KIF1B: variants seen among roughly 807,000 people sequenced by gnomAD.
The protein encoded by KIF1B is kinesin-like protein KIF1B.
In KIF1B, 76 loss-of-function variants were observed where a neutral mutation model predicts 241.9. The ratio of observed to expected loss-of-function variants is 0.31; its 90% CI spans 0.26 to 0.38. KIF1B has a LOEUF of 0.38. KIF1B is among the 10% of genes least tolerant of loss of function. The pLI is 1.00. For synonymous variants in KIF1B, 750 were observed against 796.7 expected, an observed-to-expected ratio of 0.94 and a Z score of 0.99; for missense variants, 1,622 against 2,271.4, an observed-to-expected ratio of 0.71 and a Z score of 5.81.
At chr1:10,274,431 A>G (rs1648992622) in intron 10 of KIF1B, among the ~76,000 whole-genome samples, 2 of 152,234 alleles carry the variant, frequency 1.3e-5, no homozygotes, top group African/African-American at 2.4e-5. Flanking sequence ...AGAAAGCAGA[A>G]TAAGTAGACT....
At chr1:10,246,626 C>T (rs1035028975) in intron 2 of KIF1B, among the ~76,000 whole-genome samples, 2 of 152,176 alleles carry the variant, frequency 1.3e-5, no homozygotes, top group African/African-American at 4.8e-5. Flanking sequence ...CGCCCATAGT[C>T]CCAGCTACTC....
rs187200149 is a variant in KIF1B at position 10,337,885 on chromosome 1, A to T, written c.3422+352A>T. 3.1e-3 allele frequency among the ~76,000 whole-genome samples: 468 copies of T among 152,300 alleles called. 4 individuals are homozygous for T. Among genetic ancestry groups the T allele is most frequent in the Middle Eastern group, 6.8e-3 (2 of 294 alleles). ...CTTATTAATAAGCCTGAAAGCAATGACTTATCTAGCTAGCAATTACGCCTA... is the reference window on the plus strand; with the variant it reads ...CTTATTAATAAGCCTGAAAGCAATGTCTTATCTAGCTAGCAATTACGCCTA... On this transcript the variant is annotated intron_variant, in intron 31 of 48. Transcript: ENST00000676179. The surrounding 1 kb of genome is among the most constrained non-coding windows in gnomAD (Gnocchi z 4.0).
At chr1:10,256,746 C>G (rs1211356716) in intron 3 of KIF1B, among the ~76,000 whole-genome samples, 1 of 151,464 alleles carries the variant, frequency 6.6e-6, no homozygotes, top group Admixed American at 6.6e-5. Flanking sequence ...GAGTCTCACT[C>G]TGTCGCCCAG....
At position 10,277,881 on chromosome 1, in the gene KIF1B, A is replaced by G. The variant is rs550300232; in HGVS notation, c.1038-105A>G. ...CAAATGTATTATTATCAAGGCTCATAAAATGTAAACACTCAGGATATTTGA... is the reference window on the plus strand; with the variant it reads ...CAAATGTATTATTATCAAGGCTCATGAAATGTAAACACTCAGGATATTTGA... On this transcript the variant is annotated intron_variant, in intron 12 of 48. Coordinates refer to ENST00000676179, the MANE Select transcript of KIF1B (RefSeq NM_001365951.3). 3.4e-4 allele frequency: 346 copies of G among 1,028,696 alleles called. 1 individual carries two copies. Among genetic ancestry groups the G allele is most frequent in the Non-Finnish European group, 4.5e-4 (307 of 677,592 alleles). The allele number at this position is 1,028,696 out of a possible 1,614,324, so 63.7% of individuals were successfully genotyped here. A position where few individuals can be genotyped will look rare whatever the true frequency, so the allele number is the denominator to read the frequency against.
chr1:10,375,493 C>T, intron 48 of KIF1B, 120 bp downstream of exon 48: 1 of 784,100 alleles, frequency 1.3e-6, no homozygotes, highest in Non-Finnish European at 2.2e-6. Context: ...AAGCGATTCT[C>T]CTGACTCAGC....
chr1:10,360,590 C>T (rs796363839), intron 38 of KIF1B, among the ~76,000 whole-genome samples: 7 of 150,398 alleles, frequency 4.7e-5, no homozygotes, highest in African/African-American at 1.7e-4. Flanking sequence ...AAGGCTGAGG[C>T]AGGAGAATCA....
chr1:10,348,701 T>G lies in KIF1B; in HGVS notation c.3917T>G (p.Leu1306Arg). ...ATTATCCATGAGAAGGGGAGCGAGC[T>G]CCATTGGAAAGATGTTCGTGAACTG... ...VTIIHEKGSE[L>R]HWKDVRELVV... The change falls in exon 37 of 49, where the codon CTC becomes CGC. Residue 1306 changes from leucine (L) to arginine (R), a missense_variant. Physicochemically the swap from Leu to Arg is moderately radical, Grantham distance 102 (BLOSUM62 -2). Coordinates refer to ENST00000676179, the MANE Select transcript of KIF1B (RefSeq NM_001365951.3). 6.2e-7 allele frequency: 1 copy of G among 1,613,978 alleles called. No homozygotes were observed. Among genetic ancestry groups the G allele is most frequent in the African/African-American group, 1.3e-5 (1 of 74,966 alleles).
chr1:10,306,754 CT>C (rs1028615346), intron 22 of KIF1B: 7 of 431,568 alleles, frequency 1.6e-5, no homozygotes, highest in African/African-American at 4.7e-5. Context: ...GAGAACCTGT[CT>C]TTAAAAAAAA....
intron 1 of KIF1B, among the ~76,000 whole-genome samples, chr1:10,218,931 A>G (rs1225279836): frequency 6.6e-6 from 1 of 152,226 alleles, no homozygotes; most frequent in Non-Finnish European, 1.5e-5. Flanking sequence ...AGCTATTAAA[A>G]TATAAATAAG....
intron 1 of KIF1B, 113 bp from the exon 2 acceptor site, chr1:10,232,137 C>A: frequency 1.8e-6 from 1 of 563,798 alleles, no homozygotes; most frequent in East Asian, 3.0e-5. Context: ...GGATGAATAT[C>A]GTTTTTATAA....
chr1:10,228,843 CATATGGT>C (rs1646943086), intron 1 of KIF1B, among the ~76,000 whole-genome samples: 1 of 152,088 alleles, frequency 6.6e-6, no homozygotes, highest in African/African-American at 2.4e-5. Flanking sequence ...TAGAAGTTTC[CATATGGT>C]ATTTTGTGAA....
chr1:10,332,943 C>G (rs367648869), intron 27 of KIF1B, among the ~76,000 whole-genome samples: 56 of 151,440 alleles, frequency 3.7e-4, no homozygotes, highest in African/African-American at 1.3e-3. Flanking sequence ...TCTTGAGTAG[C>G]TAGGACAACA....
intron 5 of KIF1B, 135 bp from the exon 6 acceptor site, chr1:10,267,245 G>A (rs926743540): frequency 4.2e-6 from 3 of 708,232 alleles, no homozygotes; most frequent in East Asian, 2.8e-5. Context: ...TCTCGAACTC[G>A]TAGTTCGAGT....
chr1:10,226,003 A>T (rs191018858), intron 1 of KIF1B, among the ~76,000 whole-genome samples: 2 of 152,280 alleles, frequency 1.3e-5, no homozygotes, highest in East Asian at 3.9e-4. Flanking sequence ...TAAAGATAAT[A>T]AAAAATATTT....
rs191597630 is a variant in KIF1B at position 10,270,260 on chromosome 1, G to T, written c.721-1242G>T. On this transcript the variant is annotated intron_variant, in intron 7 of 48. Transcript: ENST00000676179. Reference sequence around the variant, plus strand: ...TATCCCTTCTTCTGTGGCAATTCCCGGGCAATTCCGGACCTGCCCTTTTGT... The same window carrying T: ...TATCCCTTCTTCTGTGGCAATTCCCTGGCAATTCCGGACCTGCCCTTTTGT... 3.3e-5 allele frequency among the ~76,000 whole-genome samples: 5 copies of T among 152,062 alleles called. No individual in the cohort carries two copies. In the East Asian group the frequency reaches 9.6e-4, roughly 29 times the overall value.
intron 15 of KIF1B, among the ~76,000 whole-genome samples, chr1:10,288,151 CAT>C (rs1649804751): frequency 1.3e-5 from 2 of 152,160 alleles, no homozygotes; most frequent in Admixed American, 1.3e-4. Flanking sequence ...AAAAAGCAGT[CAT>C]ATGCAAAAGC....
At chr1:10,258,971 C>A (rs1052805174) in intron 4 of KIF1B, among the ~76,000 whole-genome samples, 1 of 152,138 alleles carries the variant, frequency 6.6e-6, no homozygotes. Flanking sequence ...AAGCTCTGTT[C>A]TAAGTCCTGG....
rs780600214 is a variant in KIF1B at position 10,303,310 on chromosome 1, C to T, written c.2115+6064C>T. On this transcript the variant is annotated intron_variant, in intron 22 of 48. Coordinates refer to ENST00000676179, the MANE Select transcript of KIF1B (RefSeq NM_001365951.3). This position sits in a 1 kb window ranked among gnomAD's most constrained non-coding sequence, Gnocchi z 5.2. ...TGGCCTCCCAAGCAGTGGGAAGAAA[C>T]GTGAACCAATTAAAATGTATCAGAT... The T allele has an allele frequency of 6.8e-6, 11 of 1,614,014 alleles. No individual in the cohort carries two copies. Among genetic ancestry groups the T allele is most frequent in the Admixed American group, 6.7e-5 (4 of 59,994 alleles).
chr1:10,371,441 C>T (rs537767968), intron 45 of KIF1B, among the ~76,000 whole-genome samples, 179 bp downstream of exon 45: 1 of 152,320 alleles, frequency 6.6e-6, no homozygotes, highest in East Asian at 1.9e-4. Context: ...ACTGGCATCT[C>T]TTCACATCAT....
Sources: gnomAD v4.1 joint callset for allele counts (sites outside exome capture counted in the v4.1 genomes callset) on GRCh38, gnomAD v4.1.1 for gene constraint, Gnocchi (gnomAD v3.1) non-coding constraint, MANE v1.5 for transcripts, NCBI Gene and HGNC (gene_info 2026-07-23, HGNC 2026-07-21) for gene names.